Variants in H3-7 observed in about 807,000 individuals in gnomAD.
H3-7 encodes the protein histone H3-7.
the H3-7 span, among the ~76,000 whole-genome samples, chr1:143,904,027 C>T: frequency 2.1e-5 from 3 of 144,798 alleles, no homozygotes; most frequent in Non-Finnish European, 4.6e-5. Flanking sequence ...GACTGAGGGC[C>T]AACTCATTAC....
chr1:143,904,416 A>C, the H3-7 span: 6 of 1,582,892 alleles, frequency 3.8e-6, no homozygotes, highest in Non-Finnish European at 5.2e-6. Flanking sequence ...GAAGGAGTTC[A>C]TGATGCCCAT....
the H3-7 span, among the ~76,000 whole-genome samples, chr1:143,903,149 G>T: frequency 1.4e-3 from 193 of 140,442 alleles, 18 homozygotes; most frequent in Non-Finnish European, 2.2e-3. Flanking sequence ...CCGAGATCCC[G>T]CCAGTGCACT....
At chr1:143,904,654 G>T in the H3-7 span, 7 of 1,555,294 alleles carry the variant, frequency 4.5e-6, no homozygotes, top group Non-Finnish European at 6.2e-6. Context: ...CCGAACTACC[G>T]CAAAACGGGC....
chr1:143,903,191 CAAAAAAAA>C, the H3-7 span, among the ~76,000 whole-genome samples: 1 of 60,396 alleles, frequency 1.7e-5, no homozygotes, highest in South Asian at 6.3e-4. Flanking sequence ...GACTCCGTCT[CAAAAAAAA>C]AAAAAAAAAC....
At chr1:143,904,879 G>C in the H3-7 span, among the ~76,000 whole-genome samples, 1 of 143,670 alleles carries the variant, frequency 7.0e-6, no homozygotes. Context: ...TAGGTGAAGC[G>C]ATAGTTTCAA....
At chr1:143,904,194 G>A in the H3-7 span, 13 of 1,463,716 alleles carry the variant, frequency 8.9e-6, no homozygotes, top group African/African-American at 1.5e-4. Flanking sequence ...GGGGTTAGGT[G>A]GTTGATCTAT....
the H3-7 span, chr1:143,905,846 G>A: frequency 4.4e-6 from 7 of 1,581,800 alleles, 1 homozygote; most frequent in Non-Finnish European, 5.2e-6. Flanking sequence ...GGCCGGTAGC[G>A]GTGCGGCTTC....
chr1:143,904,630 C>G, the H3-7 span: 1 of 1,579,924 alleles, frequency 6.3e-7, no homozygotes, highest in Non-Finnish European at 8.7e-7. Flanking sequence ...AGAACAGAGA[C>G]TTAAAGAAGT....
the H3-7 span, chr1:143,904,381 C>T: frequency 2.5e-6 from 4 of 1,582,626 alleles, no homozygotes; most frequent in African/African-American, 2.7e-5. Flanking sequence ...GCCTCTCCCG[C>T]GATGCGCTCG....
the H3-7 span, chr1:143,905,502 A>G: frequency 7.7e-7 from 1 of 1,303,168 alleles, no homozygotes; most frequent in Non-Finnish European, 1.1e-6. Context: ...GCTCTTGATG[A>G]AAACGGCAGT....
At chr1:143,905,961 G>A in the H3-7 span, 4 of 1,579,352 alleles carry the variant, frequency 2.5e-6, 1 homozygote, top group Admixed American at 5.1e-5. Context: ...GCTTAGTACG[G>A]GCCATGCTGT....
the H3-7 span, chr1:143,905,917 G>T: frequency 4.4e-6 from 7 of 1,579,980 alleles, 1 homozygote; most frequent in East Asian, 1.4e-4. Flanking sequence ...CTGCTTCCTC[G>T]GGGCCTTGCC....
the H3-7 span, chr1:143,904,332 G>A: frequency 2.5e-6 from 4 of 1,582,590 alleles, 1 homozygote; most frequent in East Asian, 2.3e-5. Context: ...CTCGCGGGAC[G>A]TGATGGTGGA....
chr1:143,904,490 G>A, the H3-7 span: 2 of 1,603,912 alleles, frequency 1.2e-6, no homozygotes, highest in South Asian at 1.1e-5. Context: ...CGTAAACGGA[G>A]TAGCTCTCCT....
chr1:143,905,554 C>A, the H3-7 span: 12 of 1,574,236 alleles, frequency 7.6e-6, 2 homozygotes, highest in East Asian at 2.7e-4. Context: ...TAAAAATATA[C>A]CTTAGGCCCG....
the H3-7 span, chr1:143,904,352 G>T: frequency 3.2e-6 from 5 of 1,582,652 alleles, 2 homozygotes; most frequent in African/African-American, 2.7e-5. Flanking sequence ...AGCGCTTGTT[G>T]TAGTGCGCCA....
chr1:143,904,829 C>A, the H3-7 span, among the ~76,000 whole-genome samples: 1 of 145,992 alleles, frequency 6.8e-6, no homozygotes, highest in East Asian at 2.1e-4. Flanking sequence ...GTCTTGTTAT[C>A]CAATCAGAAT....
the H3-7 span, chr1:143,905,874 C>T: frequency 1.9e-6 from 3 of 1,580,572 alleles, no homozygotes; most frequent in Non-Finnish European, 2.6e-6. Flanking sequence ...CGCCCGTGGC[C>T]GGCGCGCTCT....
At chr1:143,904,645 C>A in the H3-7 span, 2 of 1,570,924 alleles carry the variant, frequency 1.3e-6, no homozygotes, top group African/African-American at 2.7e-5. Flanking sequence ...AGAAGTAATC[C>A]GAACTACCGC....
Sources: allele counts gnomAD v4.1 joint callset (sites outside exome capture counted in the v4.1 genomes callset), GRCh38; gene constraint gnomAD v4.1.1; transcripts MANE v1.5; gene names NCBI Gene and HGNC (gene_info 2026-07-23, HGNC 2026-07-21).